NFE2L3: variants seen among roughly 807,000 people sequenced by gnomAD.
NFE2L3 encodes the protein nuclear factor erythroid 2-related factor 3.
A neutral mutation model predicts 23.5 loss-of-function variants in NFE2L3; 18 were observed. The observed-to-expected ratio is 0.77, with a 90% CI of 0.53 to 1.13. The LOEUF is 1.13. Ranked by LOEUF, NFE2L3 falls within the 50% of genes most tolerant of loss-of-function variation. NFE2L3 has a pLI of 0.00. For missense variants in NFE2L3, 1,152 were observed against 877.2 expected, an observed-to-expected ratio of 1.31 and a Z score of -3.96; for synonymous variants, 424 against 354.5, an observed-to-expected ratio of 1.20 and a Z score of -2.20.
At chr7:26,158,446 G>A (rs1784120816) in intron 1 of NFE2L3, among the ~76,000 whole-genome samples, 1 of 152,118 alleles carries the variant, frequency 6.6e-6, no homozygotes, top group Non-Finnish European at 1.5e-5. Context: ...ATCAATTCTT[G>A]GGGTGTTCAG....
rs117952294 is a variant in NFE2L3 at position 26,184,819 on chromosome 7, A to C, written c.1121A>C (p.Asn374Thr). 6.8e-6 allele frequency: 11 copies of C among 1,613,852 alleles called. No individual in the cohort carries two copies. The highest frequency in any genetic ancestry group is 3.3e-5 in the Admixed American group (2 of 60,004). Residue 374 changes from asparagine (N) to threonine (T), a missense_variant, in exon 4 of 4, where the codon AAT becomes ACT. Coordinates refer to ENST00000056233, the MANE Select transcript of NFE2L3 (RefSeq NM_004289.7). The part of the protein sequence containing the change: ...FLSPVDNHMR[N>T]LTSQDLLYDL... ...TCACCGGTTGACAATCATATGAGGA[A>C]TCTAACAAGCCAAGACCTACTGTAT...
chr7:26,173,191 C>T (rs1345738187), intron 1 of NFE2L3, among the ~76,000 whole-genome samples: 1 of 152,132 alleles, frequency 6.6e-6, no homozygotes, highest in African/African-American at 2.4e-5. Flanking sequence ...CAGTCCTTCT[C>T]TTCCTGAGTT....
chr7:26,178,257 TATG>T (rs1175574811), intron 2 of NFE2L3, 135 bp downstream of exon 2: 3 of 695,336 alleles, frequency 4.3e-6, no homozygotes, highest in Non-Finnish European at 7.1e-6. Context: ...TGAAAATACC[TATG>T]TCTTTAAGTT....
In NFE2L3 at chr7:26,152,870, C is replaced by A; in HGVS notation, c.372C>A (p.Ala124=). 6.8e-7 allele frequency: 1 copy of A among 1,467,140 alleles called. No homozygotes were observed. The highest frequency in any genetic ancestry group is 8.9e-7 in the Non-Finnish European group (1 of 1,118,006). 90.9% of individuals were successfully genotyped at this position (1,467,140 alleles called of 1,614,324 possible). ...HSVAAGSADE[A]HGLLGAAAAS... is the part of the protein sequence containing the mutation. Reference sequence around the variant, plus strand: ...TGGCTGCCGGGAGCGCGGACGAGGCCCACGGGCTGCTCGGCGCCGCCGCCG... The same window carrying A: ...TGGCTGCCGGGAGCGCGGACGAGGCACACGGGCTGCTCGGCGCCGCCGCCG... Residue 124 remains alanine, a synonymous_variant, in exon 1 of 4, where the codon GCC becomes GCA. Transcript: ENST00000056233. This position sits in a 1 kb window ranked among gnomAD's most constrained non-coding sequence, Gnocchi z 4.4.
At chr7:26,164,423 T>C (rs1784216998) in intron 1 of NFE2L3, among the ~76,000 whole-genome samples, 1 of 152,264 alleles carries the variant, frequency 6.6e-6, no homozygotes, top group African/African-American at 2.4e-5. Context: ...TTGAGCATTT[T>C]TTCATGTGTC....
In NFE2L3 at chr7:26,185,427, TCA is replaced by T. The variant is rs1782458061; in HGVS notation, c.1731_1732del (p.Leu578TyrfsTer3). The T allele has an allele frequency of 1.2e-6, 2 of 1,614,008 alleles. No homozygotes were observed. Among genetic ancestry groups the T allele is most frequent in the African/African-American group, 1.3e-5 (1 of 74,942 alleles). ...SRYYLTDLQV[S>X]LIRDIRRRGK... ...ATATTATCTGACAGACCTACAAGTCTCACTTATCCGTGACATCAGACGAAGAG... is the reference window on the plus strand; with the variant it reads ...ATATTATCTGACAGACCTACAAGTCTCTTATCCGTGACATCAGACGAAGAG... On this transcript the variant is annotated frameshift_variant, in exon 4 of 4. Transcript: ENST00000056233. LOFTEE classifies it low-confidence loss of function (END_TRUNC).
intron 2 of NFE2L3, 51 bp from the exon 3 acceptor site, chr7:26,183,650 A>G: frequency 8.7e-7 from 1 of 1,148,124 alleles, no homozygotes; most frequent in Non-Finnish European, 1.3e-6. Flanking sequence ...CTAAAGCCCC[A>G]ACCAGTTCAG....
intron 1 of NFE2L3, among the ~76,000 whole-genome samples, chr7:26,166,291 G>A (rs1407452537): frequency 6.6e-6 from 1 of 152,080 alleles, no homozygotes. Context: ...CAAGATGAGG[G>A]GCTGTCATCG....
At chr7:26,179,705 C>CA (rs1198129944) in intron 2 of NFE2L3, among the ~76,000 whole-genome samples, 1 of 151,958 alleles carries the variant, frequency 6.6e-6, no homozygotes, top group Non-Finnish European at 1.5e-5. Flanking sequence ...GACCCTGTCT[C>CA]AAAAAAGAAA....
chr7:26,157,785 G>A (rs1784105689), intron 1 of NFE2L3, among the ~76,000 whole-genome samples: 1 of 152,176 alleles, frequency 6.6e-6, no homozygotes, highest in South Asian at 2.1e-4. Context: ...AGACTGGGTG[G>A]CTTAAACAGA....
rs763602046 is a variant in NFE2L3, at chr7:26,184,977, C to A, written c.1279C>A (p.His427Asn). The part of the protein sequence containing the change: ...SDSGLSLDSS[H>N]NNTSVIKSNS... ...TTCTGGCCTTTCTTTAGATTCAAGT[C>A]ACAATAATACCTCTGTCATCAAGTC... Residue 427 changes from histidine to asparagine, a missense_variant, in exon 4 of 4, where the codon CAC becomes AAC. Physicochemically the swap from His to Asn is moderately conservative, Grantham distance 68 (BLOSUM62 1). Coordinates refer to ENST00000056233, the MANE Select transcript of NFE2L3 (RefSeq NM_004289.7). The A allele has an allele frequency of 6.2e-7, 1 of 1,613,752 alleles. No individual in the cohort carries two copies. Among genetic ancestry groups the A allele is most frequent in the Middle Eastern group, 1.7e-4 (1 of 6,054 alleles).
chr7:26,182,225 G>A lies in NFE2L3; in HGVS notation c.751-1476G>A, dbSNP rs1188425892. Among the ~76,000 whole-genome samples the A allele has an allele frequency of 2.6e-5, 4 of 152,062 alleles. No homozygotes were observed. In the East Asian group the frequency reaches 7.7e-4, roughly 29 times the overall value. On this transcript the variant is annotated intron_variant, in intron 2 of 3. Transcript: ENST00000056233. ...AGTTTCATTATAAATAACACTGAGA[G>A]CAAACTTACCAGTAGTAATAAATGC...
Position 26,185,146 on chromosome 7 carries a change from C to A in NFE2L3, c.1448C>A (p.Ser483Tyr). ...CTTTGTCACTTGGATCAAAGTGATT[C>A]TGATTTCCATGGAGATCTTACATTT... ...SKLCHLDQSD[S>Y]DFHGDLTFQH... Residue 483 changes from serine to tyrosine, a missense_variant, in exon 4 of 4, where the codon TCT (serine) becomes TAT (tyrosine). By Grantham distance (144) the Ser-to-Tyr change is moderately radical. Coordinates refer to ENST00000056233, the MANE Select transcript of NFE2L3 (RefSeq NM_004289.7). 6.2e-7 allele frequency: 1 copy of A among 1,613,824 alleles called. No homozygotes were observed. The highest frequency in any genetic ancestry group is 1.3e-5 in the African/African-American group (1 of 75,020).
intron 1 of NFE2L3, among the ~76,000 whole-genome samples, chr7:26,169,664 C>G (rs993204308): frequency 6.6e-6 from 1 of 152,204 alleles, no homozygotes; most frequent in African/African-American, 2.4e-5. Context: ...ATTATATTTG[C>G]TTCACAATAG....
At chr7:26,183,326 T>C (rs942934176) in intron 2 of NFE2L3, among the ~76,000 whole-genome samples, 76 of 152,086 alleles carry the variant, frequency 5.0e-4, no homozygotes, top group Admixed American at 2.0e-4. Flanking sequence ...GGTGGGTGGA[T>C]CACTTGCGGT....
intron 1 of NFE2L3, among the ~76,000 whole-genome samples, chr7:26,167,470 C>A (rs1784266649): frequency 6.6e-6 from 1 of 151,904 alleles, no homozygotes. Context: ...TTAGTTGTGA[C>A]TAAGGGCCCC....
At chr7:26,155,171 G>A (rs1371536031) in intron 1 of NFE2L3, among the ~76,000 whole-genome samples, 2 of 152,124 alleles carry the variant, frequency 1.3e-5, no homozygotes, top group South Asian at 2.1e-4. Flanking sequence ...GGCTGAGTGC[G>A]GTGGCTCACA....
intron 2 of NFE2L3, among the ~76,000 whole-genome samples, chr7:26,182,874 G>A (rs1032964222): frequency 6.6e-6 from 1 of 152,186 alleles, no homozygotes; most frequent in African/African-American, 2.4e-5. Flanking sequence ...ACTCACTGCA[G>A]CCTCAACCTC....
At chr7:26,178,182 T>C (rs1032666974) in intron 2 of NFE2L3, 60 bp downstream of exon 2, 158 of 1,472,126 alleles carry the variant, frequency 1.1e-4, no homozygotes, top group Middle Eastern at 1.0e-3. Context: ...TTTTGTGGCA[T>C]TGACAGTTTG....
Sources: gnomAD v4.1 joint callset for allele counts (sites outside exome capture counted in the v4.1 genomes callset) on GRCh38, gnomAD v4.1.1 for gene constraint, Gnocchi (gnomAD v3.1) non-coding constraint, MANE v1.5 for transcripts, NCBI Gene and HGNC (gene_info 2026-07-23, HGNC 2026-07-21) for gene names.